AQP1: variants seen among roughly 807,000 people sequenced by gnomAD.
AQP1 encodes aquaporin 1 (Colton blood group), also known as aquaporin-1.
Under a neutral mutation model 19.7 loss-of-function variants are expected in AQP1, and 11 were observed. The ratio of observed to expected loss-of-function variants is 0.56; its 90% CI spans 0.35 to 0.92. AQP1 has a LOEUF of 0.92. AQP1 is among the 40% of genes least tolerant of loss of function. The probability of loss-of-function intolerance (pLI) is 0.01; values close to 1 mark genes in which losing one functional copy is unlikely to be tolerated. For synonymous variants in AQP1, 159 were observed against 166.7 expected (o/e 0.95, Z 0.36); for missense variants, 320 against 369.7 (o/e 0.87, Z 1.10).
At chr7:30,921,277 T>G in intron 1 of AQP1, 2 of 1,253,582 alleles carry the variant, frequency 1.6e-6, no homozygotes, top group Non-Finnish European at 2.0e-6. Context: ...TCCATTCCCT[T>G]CTCTTTCCAT....
chr7:30,919,539 A>T (rs1791443806), intron 1 of AQP1, among the ~76,000 whole-genome samples: 1 of 146,394 alleles, frequency 6.8e-6, no homozygotes, highest in African/African-American at 2.7e-5. Flanking sequence ...GAGAATTGAG[A>T]ATTGTTCTGA....
chr7:30,913,988 G>A (rs1028766639), intron 1 of AQP1, among the ~76,000 whole-genome samples: 2 of 152,152 alleles, frequency 1.3e-5, no homozygotes, highest in African/African-American at 4.8e-5. Context: ...TGATTTCCAG[G>A]CTTTCTGGCC....
In AQP1 at chr7:30,922,662, G is replaced by A. The variant is rs201906634; in HGVS notation, c.630+18G>A. 3.0e-5 allele frequency: 49 copies of A among 1,610,326 alleles called. No homozygotes were observed. In the African/African-American group the frequency reaches 3.3e-4, roughly 11 times the overall value. On this transcript the variant is annotated intron_variant, in intron 3 of 3. Coordinates refer to ENST00000311813, the MANE Select transcript of AQP1 (RefSeq NM_198098.4). Reference sequence around the variant, plus strand: ...ACCACTGGGTAGGAGACCCACGGGGGGTGGGGTGGGAAGCTTTGGTGTCCC... The same window carrying A: ...ACCACTGGGTAGGAGACCCACGGGGAGTGGGGTGGGAAGCTTTGGTGTCCC...
rs1424812524 is a variant in AQP1, at chr7:30,925,173, C to G, written c.*1544C>G. On this transcript the variant is annotated 3_prime_UTR_variant, in exon 4 of 4. Coordinates refer to ENST00000311813, the MANE Select transcript of AQP1 (RefSeq NM_198098.4). ...GCACACTCTCTTCTCCATTCCCTAGCAGGAACTTCTAGCTCATTTAACAGA... is the reference window on the plus strand; with the variant it reads ...GCACACTCTCTTCTCCATTCCCTAGGAGGAACTTCTAGCTCATTTAACAGA... 3 of 152,264 alleles carry G rather than the reference C, an allele frequency of 2.0e-5. No individual in the cohort carries two copies. In the South Asian group the frequency reaches 6.2e-4, roughly 31 times the overall value. 9.4% of individuals were successfully genotyped at this position (152,264 alleles called of 1,614,324 possible).
intron 3 of AQP1, 58 bp downstream of exon 3, chr7:30,922,702 C>T (rs1389299148): frequency 2.7e-6 from 4 of 1,494,856 alleles, no homozygotes; most frequent in Non-Finnish European, 3.7e-6. Context: ...TAAGCCTGAC[C>T]CCACCCTCAC....
chr7:30,923,746 A>G lies in AQP1; in HGVS notation c.*117A>G, dbSNP rs1791596520. 3 of 1,502,920 alleles carry G rather than the reference A, an allele frequency of 2.0e-6. No homozygotes were observed. The highest frequency in any genetic ancestry group is 4.2e-5 in the Admixed American group (2 of 47,910). The allele number at this position is 1,502,920 out of a possible 1,614,324, so 93.1% of individuals were successfully genotyped here. ...CAAGCTGGCCAAAGTCACTTCCCCA[A>G]GATCTGCCAGACCTGCATGGTCAAG... On this transcript the variant is annotated 3_prime_UTR_variant, in exon 4 of 4. Transcript: ENST00000311813. The surrounding 1 kb of genome is among the most constrained non-coding windows in gnomAD (Gnocchi z 4.8).
intron 1 of AQP1, among the ~76,000 whole-genome samples, chr7:30,920,840 G>A (rs529241012): frequency 3.3e-5 from 5 of 152,350 alleles, no homozygotes; most frequent in South Asian, 2.1e-4. Flanking sequence ...GCAAGGCAGG[G>A]GAGGGGATGT....
Position 30,911,884 on chromosome 7 carries a change from G to T in AQP1, c.-26G>T, listed in dbSNP as rs193214487. The stretch of plus-strand genomic sequence containing the variant: ...CAGAGGGAATTGAGCACCCGGCAGC[G>T]GTCTCAGGCCAAGCCCCCTGCCAGC... On this transcript the variant is annotated 5_prime_UTR_variant, in exon 1 of 4. Transcript: ENST00000311813. 1 of 1,612,360 alleles carries T rather than the reference G, an allele frequency of 6.2e-7. No individual in the cohort carries two copies. The highest frequency in any genetic ancestry group is 8.5e-7 in the Non-Finnish European group (1 of 1,179,982).
rs1331910873 is a variant in AQP1, at chr7:30,912,700, G to T, written c.384+407G>T. On this transcript the variant is annotated intron_variant, in intron 1 of 3. Transcript: ENST00000311813. The surrounding 1 kb of genome is among the most constrained non-coding windows in gnomAD (Gnocchi z 4.3). ...TTTGCCCGCTGTCCCCAGCCACCCT[G>T]AACCAAATGCCCAGCCTGTCTGCAG... 6.6e-6 allele frequency among the ~76,000 whole-genome samples: 1 copy of T among 152,180 alleles called. No homozygotes were observed. Among genetic ancestry groups the T allele is most frequent in the Non-Finnish European group, 1.5e-5 (1 of 68,030 alleles).
At position 30,923,982 on chromosome 7, in the gene AQP1, T is replaced by C. The variant is rs763373790; in HGVS notation, c.*353T>C. On this transcript the variant is annotated 3_prime_UTR_variant, in exon 4 of 4. Coordinates refer to ENST00000311813, the MANE Select transcript of AQP1 (RefSeq NM_198098.4). The surrounding 1 kb of genome is among the most constrained non-coding windows in gnomAD (Gnocchi z 4.8). ...CCCCAAAGTTGCTCACCGACTCACC[T>C]GCGCAAGTGCCTGGGATTCTACCGT... 8.4e-5 allele frequency: 116 copies of C among 1,382,650 alleles called. No individual in the cohort carries two copies. The highest frequency in any genetic ancestry group is 1.1e-4 in the Non-Finnish European group (114 of 1,043,168). The allele number at this position is 1,382,650 out of a possible 1,614,324, so 85.6% of individuals were successfully genotyped here. A position where few individuals can be genotyped will look rare whatever the true frequency, so the allele number is the denominator to read the frequency against.
intron 1 of AQP1, 116 bp from the exon 2 acceptor site, chr7:30,921,950 C>T: frequency 1.3e-6 from 2 of 1,567,374 alleles, no homozygotes; most frequent in South Asian, 1.1e-5. Context: ...TCTGAAGGCC[C>T]ATCTGAGGGT....
In AQP1 at chr7:30,912,229, T is replaced by G. The variant is rs147400857; in HGVS notation, c.320T>G (p.Val107Gly). The G allele has an allele frequency of 3.3e-3, 5,337 of 1,609,408 alleles. 18 individuals carry two copies. The highest frequency in any genetic ancestry group is 4.0e-3 in the Non-Finnish European group (4,753 of 1,179,976). Residue 107 changes from valine (V) to glycine (G), a missense_variant, in exon 1 of 4, where the codon GTC (valine) becomes GGC (glycine). Coordinates refer to ENST00000311813, the MANE Select transcript of AQP1 (RefSeq NM_198098.4). The surrounding 1 kb of genome is among the most constrained non-coding windows in gnomAD (Gnocchi z 4.3). ...YIIAQCVGAI[V>G]ATAILSGITS... ...ATCGCCCAGTGCGTGGGGGCCATCG[T>G]CGCCACCGCCATCCTCTCAGGCATC... is the stretch of plus-strand genomic sequence containing the variant.
chr7:30,925,106 G>A lies in AQP1; in HGVS notation c.*1477G>A, dbSNP rs1210547164. The A allele has an allele frequency of 1.3e-5, 2 of 152,292 alleles. No homozygotes were observed. Among genetic ancestry groups the A allele is most frequent in the African/African-American group, 4.8e-5 (2 of 41,472 alleles). The allele number at this position is 152,292 out of a possible 1,614,324, so 9.4% of individuals were successfully genotyped here. A position where few individuals can be genotyped will look rare whatever the true frequency, so the allele number is the denominator to read the frequency against. ...TTACGCAGGTATTTAGAAGCAGAGGGACAACCAGAAGGCCCTTAACTATCA... is the reference window on the plus strand; with the variant it reads ...TTACGCAGGTATTTAGAAGCAGAGGAACAACCAGAAGGCCCTTAACTATCA... On this transcript the variant is annotated 3_prime_UTR_variant, in exon 4 of 4. Transcript: ENST00000311813.
In AQP1 at chr7:30,922,155, C is replaced by T; in HGVS notation, c.474C>T (p.Asp158=). The change falls in exon 2 of 4, where the codon GAC becomes GAT. Residue 158 remains aspartate, a synonymous_variant. Transcript: ENST00000311813. The part of the protein sequence containing the change: ...QLVLCVLATT[D]RRRRDLGGSA... ...TGCTATGCGTGCTGGCTACTACCGA[C>T]CGGAGGCGCCGTGACCTTGGTGGCT... 1 of 1,613,738 alleles carries T rather than the reference C, an allele frequency of 6.2e-7. No individual in the cohort carries two copies. The highest frequency in any genetic ancestry group is 8.5e-7 in the Non-Finnish European group (1 of 1,180,032).
intron 1 of AQP1, among the ~76,000 whole-genome samples, chr7:30,913,121 C>T (rs779862938): frequency 6.6e-6 from 1 of 152,030 alleles, no homozygotes; most frequent in Non-Finnish European, 1.5e-5. Context: ...AACACGTGCC[C>T]ATGGCTCCTG....
chr7:30,922,703 C>A, intron 3 of AQP1, 59 bp downstream of exon 3: 1 of 1,496,272 alleles, frequency 6.7e-7, no homozygotes, highest in Non-Finnish European at 9.3e-7. Flanking sequence ...AAGCCTGACC[C>A]CACCCTCACA....
intron 1 of AQP1, among the ~76,000 whole-genome samples, chr7:30,920,611 G>C (rs1473450057): frequency 2.6e-5 from 4 of 152,202 alleles, no homozygotes; most frequent in Non-Finnish European, 5.9e-5. Context: ...GAGCAGGCAC[G>C]GACAATGAGA....
In AQP1 at chr7:30,924,004, C is replaced by G. The variant is rs776734104; in HGVS notation, c.*375C>G. 7.4e-7 allele frequency: 1 copy of G among 1,358,860 alleles called. No homozygotes were observed. Among genetic ancestry groups the G allele is most frequent in the African/African-American group, 1.5e-5 (1 of 68,028 alleles). 84.2% of individuals were successfully genotyped at this position (1,358,860 alleles called of 1,614,324 possible). ...ACCTGCGCAAGTGCCTGGGATTCTA[C>G]CGTAATTGCTTTGTGCCTTTGGGCA... On this transcript the variant is annotated 3_prime_UTR_variant, in exon 4 of 4. Transcript: ENST00000311813.
intron 1 of AQP1, among the ~76,000 whole-genome samples, chr7:30,918,033 C>T (rs1230355762): frequency 3.3e-5 from 5 of 149,894 alleles, no homozygotes; most frequent in Admixed American, 1.3e-4. Flanking sequence ...CTCACTCTGT[C>T]GCCCAGGCTG....
Sources: gnomAD v4.1 joint callset for allele counts (sites outside exome capture counted in the v4.1 genomes callset) on GRCh38, gnomAD v4.1.1 for gene constraint, Gnocchi (gnomAD v3.1) non-coding constraint, MANE v1.5 for transcripts, NCBI Gene and HGNC (gene_info 2026-07-23, HGNC 2026-07-21) for gene names.